The following SH3D19 variants were observed in gnomAD, a reference collection of about 807,000 sequenced individuals.
SH3D19 encodes SH3 domain-containing protein 19.
Under a neutral mutation model 112.1 loss-of-function variants are expected in SH3D19, and 58 were observed. The ratio of observed to expected loss-of-function variants is 0.52; its 90% CI spans 0.42 to 0.64. The LOEUF (loss-of-function observed/expected upper bound fraction) is 0.64, where lower values mean the gene tolerates loss of function less well. SH3D19 is among the 30% of genes least tolerant of loss of function. The pLI is 0.00. For missense variants in SH3D19, 1,090 were observed against 1,263.4 expected (o/e 0.86, Z 2.08); for synonymous variants, 391 against 448.5 (o/e 0.87, Z 1.62).
intron 2 of SH3D19, among the ~76,000 whole-genome samples, chr4:151,216,422 AAGAT>A (rs1176909596): frequency 2.6e-5 from 4 of 152,244 alleles, no homozygotes; most frequent in Non-Finnish European, 5.9e-5. Flanking sequence ...GAGGGCCACA[AAGAT>A]GTATACAAAC....
intron 9 of SH3D19, among the ~76,000 whole-genome samples, chr4:151,149,875 C>G (rs1350050688): frequency 2.0e-5 from 3 of 151,866 alleles, no homozygotes; most frequent in Non-Finnish European, 1.5e-5. Flanking sequence ...TAAGCAGGCC[C>G]TGAAGAGAAT....
At chr4:151,234,586 G>A (rs1476895816) in intron 1 of SH3D19, among the ~76,000 whole-genome samples, 1 of 151,846 alleles carries the variant, frequency 6.6e-6, no homozygotes, top group Non-Finnish European at 1.5e-5. Context: ...ACCTCTTTTT[G>A]TTATAAAATA....
At chr4:151,255,512 G>A (rs146672469) in intron 1 of SH3D19, among the ~76,000 whole-genome samples, 3 of 149,536 alleles carry the variant, frequency 2.0e-5, no homozygotes, top group South Asian at 2.1e-4. Context: ...GTGAGATGGC[G>A]GCCGGGCGGA....
chr4:151,160,087 C>CTTT (rs1203320024), intron 8 of SH3D19, among the ~76,000 whole-genome samples: 1 of 137,538 alleles, frequency 7.3e-6, no homozygotes. Context: ...TGTTTTATTT[C>CTTT]TTTTTTTTTT....
At chr4:151,211,058 C>T (rs1337452178) in intron 2 of SH3D19, among the ~76,000 whole-genome samples, 1 of 152,018 alleles carries the variant, frequency 6.6e-6, no homozygotes, top group Non-Finnish European at 1.5e-5. Context: ...ACTAAAAATA[C>T]AAAATACCTG....
chr4:151,229,456 C>T (rs561950165), intron 1 of SH3D19, among the ~76,000 whole-genome samples: 4 of 152,114 alleles, frequency 2.6e-5, no homozygotes, highest in Admixed American at 1.3e-4. Flanking sequence ...GTGAGGGTAA[C>T]CATGGCTGGG....
intron 8 of SH3D19, among the ~76,000 whole-genome samples, chr4:151,160,900 T>C (rs1757038339): frequency 1.3e-5 from 2 of 152,170 alleles, no homozygotes; most frequent in Admixed American, 6.5e-5. Context: ...TTAAGACATA[T>C]ATAATAAAAA....
chr4:151,249,273 A>C (rs1397370755), intron 1 of SH3D19, among the ~76,000 whole-genome samples: 1 of 152,204 alleles, frequency 6.6e-6, no homozygotes, highest in Admixed American at 6.5e-5. Flanking sequence ...TCAATAAAAG[A>C]TTTATAATTG....
intron 9 of SH3D19, among the ~76,000 whole-genome samples, chr4:151,151,556 G>A (rs1203024571): frequency 1.3e-5 from 2 of 151,862 alleles, no homozygotes; most frequent in South Asian, 2.1e-4. Flanking sequence ...ATGATTAATT[G>A]CCAATAACTG....
chr4:151,199,891 T>A (rs1007840059), intron 2 of SH3D19, among the ~76,000 whole-genome samples: 2 of 152,186 alleles, frequency 1.3e-5, no homozygotes, highest in African/African-American at 4.8e-5. Context: ...ATCAAATTCA[T>A]ATATTGAAAT....
Position 151,254,777 on chromosome 4 carries a change from G to C in SH3D19, c.113-28691C>G, listed in dbSNP as rs974675665. ...TCTCAATCTTTTCCCCACCTTTCCC[G>C]CCTTTCTATTCCACAAAGCCGCCAT... is the stretch of plus-strand genomic sequence containing the variant. On this transcript the variant is annotated intron_variant, in intron 1 of 19. Transcript: ENST00000604030. Among the ~76,000 whole-genome samples the C allele has an allele frequency of 3.3e-5, 5 of 150,658 alleles. No individual in the cohort carries two copies. In the South Asian group the frequency reaches 8.5e-4, roughly 26 times the overall value.
chr4:151,278,979 C>A, intron 1 of SH3D19: 5 of 246,040 alleles, frequency 2.0e-5, no homozygotes, highest in Non-Finnish European at 3.3e-5. Context: ...TGTAGTCATG[C>A]AAATATTCAC....
chr4:151,272,403 C>T (rs1773291737), intron 1 of SH3D19, among the ~76,000 whole-genome samples: 1 of 152,136 alleles, frequency 6.6e-6, no homozygotes. Flanking sequence ...CAAAATGATA[C>T]ATCATTTTAG....
intron 1 of SH3D19, among the ~76,000 whole-genome samples, chr4:151,271,187 A>G (rs1386274313): frequency 6.6e-6 from 1 of 152,186 alleles, no homozygotes; most frequent in Admixed American, 6.5e-5. Context: ...TGACCCCCCA[A>G]AGGCCTAGGA....
chr4:151,307,962 G>A (rs1028085258), intron 1 of SH3D19, among the ~76,000 whole-genome samples: 1 of 152,168 alleles, frequency 6.6e-6, no homozygotes, highest in Non-Finnish European at 1.5e-5. Context: ...CCAGGCTGGA[G>A]TGCAATGGTG....
rs978927653 is a variant in SH3D19 at position 151,194,762 on chromosome 4, G to A, written c.153-7299C>T. Among the ~76,000 whole-genome samples, 20 of 151,286 alleles carry A rather than the reference G, an allele frequency of 1.3e-4. No individual in the cohort carries two copies. In the Middle Eastern group the frequency reaches 0.01, roughly 77 times the overall value. ...ATGATTTCTTCATTTTTCGTCAAAC[G>A]ATTAATGTGCATCTAACTGTTAAGA... On this transcript the variant is annotated intron_variant, in intron 2 of 19. Coordinates refer to ENST00000604030, the MANE Select transcript of SH3D19 (RefSeq NM_001378122.1).
intron 1 of SH3D19, among the ~76,000 whole-genome samples, chr4:151,303,062 T>C (rs1246099742): frequency 2.6e-5 from 4 of 152,192 alleles, no homozygotes; most frequent in Admixed American, 2.6e-4. Context: ...TCTAGTCCTC[T>C]AGAACAGGTT....
At chr4:151,297,812 C>A (rs2126311335) in intron 1 of SH3D19, among the ~76,000 whole-genome samples, 1 of 152,300 alleles carries the variant, frequency 6.6e-6, no homozygotes, top group South Asian at 2.1e-4. Flanking sequence ...GGGGATTTTG[C>A]ACATATGATT....
At chr4:151,198,058 C>A (rs1322841271) in intron 2 of SH3D19, among the ~76,000 whole-genome samples, 1 of 151,910 alleles carries the variant, frequency 6.6e-6, no homozygotes, top group East Asian at 1.9e-4. Flanking sequence ...GTAATCCCAG[C>A]ACTTTGGGAG....
Sources: gnomAD v4.1 joint callset for allele counts (sites outside exome capture counted in the v4.1 genomes callset) on GRCh38, gnomAD v4.1.1 for gene constraint, MANE v1.5 for transcripts, NCBI Gene and HGNC (gene_info 2026-07-23, HGNC 2026-07-21) for gene names.